SUPT16H: variants seen among roughly 807,000 people sequenced by gnomAD.
SUPT16H encodes FACT complex subunit SPT16.
In SUPT16H, 24 loss-of-function variants were observed where a neutral mutation model predicts 136.2. That is an observed-to-expected ratio of 0.18 (90% CI 0.13 to 0.25). The LOEUF (loss-of-function observed/expected upper bound fraction) is 0.25. SUPT16H is among the 10% of genes least tolerant of loss of function. The pLI is 1.00. For synonymous variants in SUPT16H, 415 were observed against 428.2 expected, an observed-to-expected ratio of 0.97 and a Z score of 0.38; for missense variants, 623 against 1,270.2, an observed-to-expected ratio of 0.49 and a Z score of 7.74.
intron 23 of SUPT16H, 144 bp downstream of exon 23, chr14:21,354,267 T>C (rs1886381624): frequency 1.0e-6 from 1 of 958,210 alleles, no homozygotes; most frequent in Non-Finnish European, 1.4e-6. Flanking sequence ...AATTTATCAA[T>C]TTGAAGAAAC....
intron 1 of SUPT16H, among the ~76,000 whole-genome samples, chr14:21,377,934 T>C (rs1321934003): frequency 2.0e-5 from 3 of 152,178 alleles, no homozygotes; most frequent in African/African-American, 4.8e-5. Context: ...GGCCCATCTT[T>C]TCTTACGAAG....
intron 19 of SUPT16H, among the ~76,000 whole-genome samples, chr14:21,359,114 T>C (rs1033177872): frequency 1.5e-4 from 23 of 150,058 alleles, no homozygotes; most frequent in African/African-American, 5.4e-4. Context: ...TATTTATTTA[T>C]TGAGATGGAG....
intron 1 of SUPT16H, among the ~76,000 whole-genome samples, chr14:21,378,216 T>G (rs1049484911): frequency 2.0e-5 from 3 of 151,762 alleles, no homozygotes; most frequent in Admixed American, 6.6e-5. Flanking sequence ...CAGAAGAAAA[T>G]TCTATGAGTG....
chr14:21,355,366 G>A (rs1356353445), intron 22 of SUPT16H, among the ~76,000 whole-genome samples: 5 of 151,916 alleles, frequency 3.3e-5, no homozygotes, highest in African/African-American at 9.7e-5. Flanking sequence ...GGTAGCACGC[G>A]CCTGTAGTCC....
intron 25 of SUPT16H, 132 bp downstream of exon 25, chr14:21,353,356 G>T: frequency 1.2e-6 from 1 of 833,292 alleles, no homozygotes; most frequent in Non-Finnish European, 1.9e-6. Flanking sequence ...TTGTATCTGT[G>T]GCTCCAAAGC....
intron 10 of SUPT16H, among the ~76,000 whole-genome samples, chr14:21,363,877 C>T (rs1488142661): frequency 2.0e-5 from 3 of 152,104 alleles, no homozygotes; most frequent in Non-Finnish European, 4.4e-5. Context: ...CGGGGATTCA[C>T]CATGTTGGTC....
In SUPT16H at chr14:21,352,518, G is replaced by A. The variant is rs188426409; in HGVS notation, c.*155C>T. 61 of 1,221,084 alleles carry A rather than the reference G, an allele frequency of 5.0e-5. No homozygotes were observed. The highest frequency in any genetic ancestry group is 4.5e-5 in the African/African-American group (3 of 66,232). The allele number at this position is 1,221,084 out of a possible 1,614,324, so 75.6% of individuals were successfully genotyped here. On this transcript the variant is annotated 3_prime_UTR_variant, in exon 26 of 26. Coordinates refer to ENST00000216297, the MANE Select transcript of SUPT16H (RefSeq NM_007192.4). The stretch of plus-strand genomic sequence containing the variant: ...TGTCCTGGTGGGCCTGGAATTCCCC[G>A]AGTAGATTGGTCCACACAAATGGCC...
intron 20 of SUPT16H, 95 bp downstream of exon 20, chr14:21,358,220 G>A: frequency 1.1e-6 from 1 of 884,728 alleles, no homozygotes; most frequent in South Asian, 1.7e-5. Context: ...TAGGAAAAAA[G>A]GATATGATAT....
intron 10 of SUPT16H, among the ~76,000 whole-genome samples, chr14:21,364,583 A>G (rs1228336195): frequency 6.6e-6 from 1 of 152,226 alleles, no homozygotes; most frequent in Non-Finnish European, 1.5e-5. Context: ...TTTCATTATT[A>G]GTATTAGTTC....
Position 21,369,801 on chromosome 14 carries a change from G to A in SUPT16H, c.579C>T (p.Val193=). The A allele has an allele frequency of 1.9e-6, 3 of 1,614,140 alleles. No individual in the cohort carries two copies. Among genetic ancestry groups the A allele is most frequent in the Non-Finnish European group, 2.5e-6 (3 of 1,180,008 alleles). ...CTCTTTCCTTGAAGAATTTGTTGAA[G>A]ACTTCAGAAGTGATGCTGGCTGCTT... ...MKKAASITSE[V]FNKFFKERVM... The change falls in exon 5 of 26, where the codon GTC becomes GTT. Residue 193 remains valine (V), a synonymous_variant. Coordinates refer to ENST00000216297, the MANE Select transcript of SUPT16H (RefSeq NM_007192.4).
chr14:21,373,013 G>A (rs1350110357), intron 2 of SUPT16H, among the ~76,000 whole-genome samples: 1 of 152,090 alleles, frequency 6.6e-6, no homozygotes, highest in Non-Finnish European at 1.5e-5. Flanking sequence ...GTGCAATCTT[G>A]GCTTACTGCA....
chr14:21,357,872 C>T (rs1886468258), intron 21 of SUPT16H, 55 bp downstream of exon 21: 1 of 1,501,822 alleles, frequency 6.7e-7, no homozygotes, highest in Non-Finnish European at 9.2e-7. Context: ...AAACACCTAT[C>T]CTTCTTTATT....
rs553528511 is a variant in SUPT16H, at chr14:21,364,993, G to A, written c.1121-54C>T. On this transcript the variant is annotated intron_variant, in intron 9 of 25. Coordinates refer to ENST00000216297, the MANE Select transcript of SUPT16H (RefSeq NM_007192.4). ...TGGCTGTGACAATGTGGAGAGGTGT[G>A]AGACATATGCCTAAAAGAAAATAAA... 14 of 1,605,996 alleles carry A rather than the reference G, an allele frequency of 8.7e-6. 1 individual carries two copies. In the Middle Eastern group the frequency reaches 9.9e-4, roughly 114 times the overall value.
At chr14:21,367,845 T>C (rs1382492015) in intron 7 of SUPT16H, among the ~76,000 whole-genome samples, 1 of 152,086 alleles carries the variant, frequency 6.6e-6, no homozygotes, top group Non-Finnish European at 1.5e-5. Context: ...TTGTAAATCT[T>C]ATTCTGTTTT....
At chr14:21,354,304 T>C (rs1886382472) in intron 23 of SUPT16H, 107 bp downstream of exon 23, 1 of 1,339,956 alleles carries the variant, frequency 7.5e-7, no homozygotes, top group Admixed American at 2.6e-5. Context: ...GTTTAGAGCT[T>C]CTCCCAGATG....
chr14:21,357,226 G>A lies in SUPT16H; in HGVS notation c.2631C>T (p.Ala877=), dbSNP rs765947237. ...KVTMINAIPV[A]SLDPIKEWLN... The stretch of plus-strand genomic sequence containing the variant: ...ACCATTCCTTGATGGGGTCAAGAGA[G>A]GCTACAGGAATGGCGTTGATCATGG... Residue 877 remains alanine, a synonymous_variant, in exon 22 of 26, where the codon GCC becomes GCT. Transcript: ENST00000216297. 4 of 1,610,236 alleles carry A rather than the reference G, an allele frequency of 2.5e-6. No individual in the cohort carries two copies. The highest frequency in any genetic ancestry group is 3.4e-6 in the Non-Finnish European group (4 of 1,178,206).
At chr14:21,359,726 C>A in intron 18 of SUPT16H, 117 bp from the exon 19 acceptor site, 2 of 1,166,652 alleles carry the variant, frequency 1.7e-6, no homozygotes, top group South Asian at 3.2e-5. Flanking sequence ...AATTAAACCA[C>A]CCCTGGTGTC....
intron 25 of SUPT16H, 53 bp downstream of exon 25, chr14:21,353,435 G>A (rs1886365795): frequency 6.5e-7 from 1 of 1,549,938 alleles, no homozygotes; most frequent in Non-Finnish European, 8.9e-7. Flanking sequence ...ATTGAAATGT[G>A]TTAGAAATTT....
At chr14:21,358,126 G>T in intron 20 of SUPT16H, 124 bp from the exon 21 acceptor site, 1 of 926,194 alleles carries the variant, frequency 1.1e-6, no homozygotes, top group Non-Finnish European at 1.7e-6. Flanking sequence ...GACTCATCCA[G>T]AGGAAGCCTC....
Sources: allele counts gnomAD v4.1 joint callset (sites outside exome capture counted in the v4.1 genomes callset), GRCh38; gene constraint gnomAD v4.1.1; transcripts MANE v1.5; gene names NCBI Gene and HGNC (gene_info 2026-07-23, HGNC 2026-07-21).